The following RUNX2 variants were observed in gnomAD, a reference collection of about 807,000 sequenced individuals.
RUNX2 encodes the protein RUNX family transcription factor 2, also known as runt-related transcription factor 2.
In RUNX2, 10 loss-of-function variants were observed where a neutral mutation model predicts 51.7. The ratio of observed to expected loss-of-function variants is 0.19; its 90% confidence interval spans 0.12 to 0.33. The LOEUF (loss-of-function observed/expected upper bound fraction) is 0.33. RUNX2 is among the 10% of genes least tolerant of loss of function. The pLI, the probability that RUNX2 is intolerant of heterozygous loss-of-function variation, is 1.00. For missense variants in RUNX2, 562 were observed against 691.3 expected (o/e 0.81, Z 2.10); for synonymous variants, 276 against 273.6 (o/e 1.01, Z -0.09).
chr6:45,387,020 C>G (rs577170015), intron 2 of RUNX2, among the ~76,000 whole-genome samples: 2 of 151,820 alleles, frequency 1.3e-5, no homozygotes, highest in Admixed American at 1.3e-4. Flanking sequence ...AGAGGTGATA[C>G]GGGCTAGAGT....
chr6:45,427,819 A>C (rs991127477), intron 3 of RUNX2, among the ~76,000 whole-genome samples: 4 of 152,124 alleles, frequency 2.6e-5, no homozygotes, highest in African/African-American at 9.7e-5. Context: ...TCTTTTAGTG[A>C]TTCACAGATT....
intron 5 of RUNX2, among the ~76,000 whole-genome samples, chr6:45,472,435 C>G (rs1204289130): frequency 6.6e-6 from 1 of 152,194 alleles, no homozygotes; most frequent in Non-Finnish European, 1.5e-5. Flanking sequence ...CCCATTCTGC[C>G]AAATATTCCC....
intron 2 of RUNX2, among the ~76,000 whole-genome samples, chr6:45,399,854 G>A (rs1221696213): frequency 2.0e-5 from 3 of 146,528 alleles, no homozygotes; most frequent in Non-Finnish European, 4.5e-5. Flanking sequence ...AAAGAAGGAG[G>A]GAGGGAGATT....
chr6:45,469,635 A>C (rs1282449035), intron 5 of RUNX2, among the ~76,000 whole-genome samples: 1 of 152,254 alleles, frequency 6.6e-6, no homozygotes. Flanking sequence ...TGTACAGATC[A>C]AATCAACTTG....
At chr6:45,511,017 G>T (rs1399748681) in intron 6 of RUNX2, among the ~76,000 whole-genome samples, 1 of 152,102 alleles carries the variant, frequency 6.6e-6, no homozygotes, top group African/African-American at 2.4e-5. Flanking sequence ...AAGCTATCTT[G>T]TGAACAGCCT....
intron 2 of RUNX2, chr6:45,421,830 C>T (rs1414246356): frequency 6.6e-6 from 1 of 152,060 alleles, no homozygotes; most frequent in Non-Finnish European, 1.5e-5. Context: ...CCGAGATCCG[C>T]TGCCCACGAC....
chr6:45,397,164 C>T (rs926802457), intron 2 of RUNX2, among the ~76,000 whole-genome samples: 27 of 150,950 alleles, frequency 1.8e-4, no homozygotes, highest in African/African-American at 5.3e-4. Context: ...AGTGCAGTGG[C>T]GCGATCGCAG....
Position 45,502,741 on chromosome 6 carries a change from G to A in RUNX2, c.860-9505G>A, listed in dbSNP as rs940688958. On this transcript the variant is annotated intron_variant, in intron 6 of 8. Coordinates refer to ENST00000647337, the MANE Select transcript of RUNX2 (RefSeq NM_001024630.4). ...TGGTCCTAGACTGGACTTCTGCCCT[G>A]TTTCTTTTAGGATGCTGCCAGAGGG... Among the ~76,000 whole-genome samples, 3 of 152,144 alleles carry A rather than the reference G, an allele frequency of 2.0e-5. No individual in the cohort carries two copies. The South Asian group carries it at 6.2e-4, about 31-fold the overall frequency.
intron 2 of RUNX2, 65 bp downstream of exon 2, chr6:45,328,849 T>C: frequency 6.7e-7 from 1 of 1,499,834 alleles, no homozygotes. Context: ...GTATGATTCT[T>C]TGATAAACTG....
intron 5 of RUNX2, among the ~76,000 whole-genome samples, chr6:45,461,616 C>T (rs1799478236): frequency 1.3e-5 from 2 of 152,148 alleles, no homozygotes; most frequent in African/African-American, 4.8e-5. Context: ...ATATTAAGCA[C>T]CTACTATGTA....
chr6:45,536,801 T>C (rs577897030), intron 7 of RUNX2, among the ~76,000 whole-genome samples: 16 of 152,338 alleles, frequency 1.1e-4, no homozygotes, highest in Non-Finnish European at 1.9e-4. Flanking sequence ...TCTGAAAACA[T>C]TGGGCTTTGT....
intron 2 of RUNX2, among the ~76,000 whole-genome samples, chr6:45,376,209 T>C (rs1334365516): frequency 6.6e-6 from 1 of 152,232 alleles, no homozygotes; most frequent in Non-Finnish European, 1.5e-5. Flanking sequence ...AAATAAGTAC[T>C]AACAGACCCA....
chr6:45,536,990 T>C (rs1007603946), intron 7 of RUNX2, among the ~76,000 whole-genome samples: 2 of 152,220 alleles, frequency 1.3e-5, no homozygotes, highest in Admixed American at 1.3e-4. Flanking sequence ...ATCTTTTCGG[T>C]TTCCTTCTTC....
chr6:45,380,548 C>T (rs1797215208), intron 2 of RUNX2, among the ~76,000 whole-genome samples: 1 of 152,102 alleles, frequency 6.6e-6, no homozygotes, highest in Admixed American at 6.5e-5. Context: ...AATATGGAAC[C>T]ATCTCTCTGA....
intron 2 of RUNX2, among the ~76,000 whole-genome samples, chr6:45,348,151 A>G (rs530240374): frequency 7.2e-5 from 11 of 152,282 alleles, no homozygotes; most frequent in Admixed American, 2.6e-4. Context: ...AAAAAGGGGC[A>G]TACTTACATT....
rs1161068360 is a variant in RUNX2, at chr6:45,422,606, C to T, written c.72C>T (p.Ser24=). The change falls in exon 3 of 9, where the codon AGC becomes AGT. Residue 24 remains serine (S), a synonymous_variant. Transcript: ENST00000647337. Reference sequence around the variant, plus strand: ...GTATTCCCGTAGATCCGAGCACCAGCCGGCGCTTCAGCCCCCCCTCCAGCA... The same window carrying T: ...GTATTCCCGTAGATCCGAGCACCAGTCGGCGCTTCAGCCCCCCCTCCAGCA... ...QQNFFWDPST[S]RRFSPPSSSL... is the part of the protein sequence containing the mutation. The T allele has an allele frequency of 6.2e-7, 1 of 1,606,254 alleles. No individual in the cohort carries two copies. The highest frequency in any genetic ancestry group is 1.7e-5 in the Admixed American group (1 of 58,736).
chr6:45,499,623 C>T lies in RUNX2; in HGVS notation c.859+7509C>T, dbSNP rs115081791. 9.2e-3 allele frequency among the ~76,000 whole-genome samples: 1,394 copies of T among 152,246 alleles called. 18 individuals are homozygous for T. The highest frequency in any genetic ancestry group is 0.031 in the African/African-American group (1,296 of 41,542). ...AACTGAAGATGGTCTGACTTTAGTACGCTTTCAGAAAAGTAGAGAGGGTGA... is the reference window on the plus strand; with the variant it reads ...AACTGAAGATGGTCTGACTTTAGTATGCTTTCAGAAAAGTAGAGAGGGTGA... On this transcript the variant is annotated intron_variant, in intron 6 of 8. Transcript: ENST00000647337.
At chr6:45,414,323 C>T (rs537431413) in intron 2 of RUNX2, among the ~76,000 whole-genome samples, 2 of 152,300 alleles carry the variant, frequency 1.3e-5, no homozygotes, top group East Asian at 3.9e-4. Flanking sequence ...CTTCACTTCT[C>T]CACTATATTA....
intron 2 of RUNX2, among the ~76,000 whole-genome samples, chr6:45,347,616 T>C (rs1258170187): frequency 1.3e-5 from 2 of 152,102 alleles, no homozygotes; most frequent in African/African-American, 2.4e-5. Context: ...GGGGTCTGTC[T>C]GCAAAAGCAA....
Sources: gnomAD v4.1 joint callset for allele counts (sites outside exome capture counted in the v4.1 genomes callset) on GRCh38, gnomAD v4.1.1 for gene constraint, MANE v1.5 for transcripts, NCBI Gene and HGNC (gene_info 2026-07-23, HGNC 2026-07-21) for gene names.